RIT2: variants seen among roughly 807,000 people sequenced by gnomAD.
RIT2 encodes the protein Ras like without CAAX 2.
Under a neutral mutation model 23.7 loss-of-function variants are expected in RIT2, and 24 were observed. The ratio of observed to expected loss-of-function variants is 1.01; its 90% CI spans 0.73 to 1.43. The LOEUF is 1.43. Ranked by LOEUF, RIT2 falls within the 40% of genes most tolerant of loss-of-function variation. The pLI, the probability that RIT2 is intolerant of heterozygous loss-of-function variation, is 0.00. For missense variants in RIT2, 236 were observed against 266.9 expected (o/e 0.88, Z 0.81); for synonymous variants, 107 against 91.1 (o/e 1.17, Z -0.99).
chr18:43,103,942 T>A (rs1913748439), intron 1 of RIT2, among the ~76,000 whole-genome samples: 1 of 152,068 alleles, frequency 6.6e-6, no homozygotes, highest in South Asian at 2.1e-4. Flanking sequence ...GGTATTTATC[T>A]AAAGAAAAAG....
intron 3 of RIT2, among the ~76,000 whole-genome samples, chr18:42,959,093 C>G (rs1023142911): frequency 2.0e-5 from 3 of 152,158 alleles, no homozygotes; most frequent in Admixed American, 6.6e-5. Context: ...GTCTTTTGCA[C>G]TAGACCACAC....
intron 2 of RIT2, among the ~76,000 whole-genome samples, chr18:42,999,277 T>C (rs1355610928): frequency 1.3e-5 from 2 of 152,018 alleles, no homozygotes; most frequent in Non-Finnish European, 2.9e-5. Flanking sequence ...CTCGGATCAG[T>C]TTATTAATCT....
chr18:43,039,674 A>G (rs1056297080), intron 1 of RIT2, among the ~76,000 whole-genome samples: 1 of 152,088 alleles, frequency 6.6e-6, no homozygotes, highest in South Asian at 2.1e-4. Context: ...ACTTAGAGGT[A>G]ATTTGACATT....
At chr18:43,086,023 A>G (rs890618285) in intron 1 of RIT2, among the ~76,000 whole-genome samples, 2 of 152,152 alleles carry the variant, frequency 1.3e-5, no homozygotes, top group Non-Finnish European at 2.9e-5. Context: ...TCCTTTATAA[A>G]TTACCCAGTA....
At chr18:42,962,735 C>A (rs1311942268) in intron 3 of RIT2, among the ~76,000 whole-genome samples, 2 of 152,140 alleles carry the variant, frequency 1.3e-5, no homozygotes, top group African/African-American at 4.8e-5. Flanking sequence ...AACCGTCATT[C>A]TAAAATAGAC....
At chr18:42,943,318 A>G (rs1157231743) in intron 3 of RIT2, among the ~76,000 whole-genome samples, 1 of 152,124 alleles carries the variant, frequency 6.6e-6, no homozygotes, top group Non-Finnish European at 1.5e-5. Flanking sequence ...TCCTCTTGCT[A>G]GCTATGGAGC....
intron 2 of RIT2, among the ~76,000 whole-genome samples, chr18:43,029,023 G>A (rs1911795191): frequency 6.6e-6 from 1 of 152,052 alleles, no homozygotes; most frequent in Admixed American, 6.6e-5. Flanking sequence ...CATTGAGCAC[G>A]AGGCTATCTG....
Position 42,984,433 on chromosome 18 carries a change from C to T in RIT2, c.161-10286G>A, listed in dbSNP as rs149265070. On this transcript the variant is annotated intron_variant, in intron 2 of 4. Coordinates refer to ENST00000326695, the MANE Select transcript of RIT2 (RefSeq NM_002930.4). ...GAGAGCAAAATATGGCTTCATAAGGCAACATAAGGGATCCTTGTGGTCAGG... is the reference window on the plus strand; with the variant it reads ...GAGAGCAAAATATGGCTTCATAAGGTAACATAAGGGATCCTTGTGGTCAGG... Among the ~76,000 whole-genome samples the T allele has an allele frequency of 1.4e-3, 212 of 152,104 alleles. 2 individuals are homozygous for T. The highest frequency in any genetic ancestry group is 4.9e-3 in the African/African-American group (205 of 41,530).
chr18:42,883,634 G>A (rs1234874408), intron 4 of RIT2, among the ~76,000 whole-genome samples: 1 of 152,090 alleles, frequency 6.6e-6, no homozygotes, highest in Non-Finnish European at 1.5e-5. Context: ...ATGAATTTGT[G>A]ATTATGTAAA....
intron 4 of RIT2, among the ~76,000 whole-genome samples, chr18:42,797,632 A>T (rs1905406812): frequency 6.6e-6 from 1 of 152,164 alleles, no homozygotes; most frequent in Non-Finnish European, 1.5e-5. Context: ...AAGATCTAGG[A>T]CCATTTCCTG....
intron 4 of RIT2, among the ~76,000 whole-genome samples, chr18:42,761,523 C>T (rs485404): frequency 0.65 from 98,059 of 151,502 alleles, 35,653 homozygotes; most frequent in Middle Eastern, 0.83. Flanking sequence ...AAACCTGACC[C>T]CTATTTCCAA....
At chr18:43,096,950 A>C (rs1913568630) in intron 1 of RIT2, among the ~76,000 whole-genome samples, 1 of 151,934 alleles carries the variant, frequency 6.6e-6, no homozygotes, top group African/African-American at 2.4e-5. Flanking sequence ...GAAGGGATAA[A>C]GAGCTTCATT....
At chr18:43,108,135 A>T (rs1437389651) in intron 1 of RIT2, among the ~76,000 whole-genome samples, 1 of 151,500 alleles carries the variant, frequency 6.6e-6, no homozygotes, top group Non-Finnish European at 1.5e-5. Context: ...AGATTGCACC[A>T]GTGCACTCCA....
intron 4 of RIT2, among the ~76,000 whole-genome samples, chr18:42,909,609 G>A (rs1203026523): frequency 1.3e-5 from 2 of 151,602 alleles, no homozygotes; most frequent in South Asian, 2.1e-4. Context: ...AGAAATCACC[G>A]CTAAAGAACA....
At chr18:42,996,797 T>C (rs569248645) in intron 2 of RIT2, among the ~76,000 whole-genome samples, 46 of 152,166 alleles carry the variant, frequency 3.0e-4, no homozygotes, top group Non-Finnish European at 4.8e-4. Context: ...TCTCTTCACA[T>C]GGATGCGCAT....
intron 3 of RIT2, among the ~76,000 whole-genome samples, chr18:42,959,107 A>T: frequency 6.6e-6 from 1 of 152,174 alleles, no homozygotes; most frequent in East Asian, 1.9e-4. Context: ...ACCACACTTC[A>T]TGAAGGGACT....
chr18:43,084,619 A>G (rs1409895340), intron 1 of RIT2, among the ~76,000 whole-genome samples: 2 of 152,172 alleles, frequency 1.3e-5, no homozygotes, highest in Non-Finnish European at 2.9e-5. Flanking sequence ...ATTCTCAGCA[A>G]ACTAACACAG....
At chr18:42,825,773 T>A (rs1466869276) in intron 4 of RIT2, among the ~76,000 whole-genome samples, 1 of 151,872 alleles carries the variant, frequency 6.6e-6, no homozygotes, top group African/African-American at 2.4e-5. Flanking sequence ...ATCAAAAAAA[T>A]ATATTAGGTC....
intron 4 of RIT2, among the ~76,000 whole-genome samples, chr18:42,893,509 G>A (rs1908239060): frequency 6.6e-6 from 1 of 152,054 alleles, no homozygotes; most frequent in African/African-American, 2.4e-5. Flanking sequence ...AGAGAGCCTT[G>A]ATGACTTACT....
Sources: allele counts gnomAD v4.1 joint callset (sites outside exome capture counted in the v4.1 genomes callset), GRCh38; gene constraint gnomAD v4.1.1; transcripts MANE v1.5; gene names NCBI Gene and HGNC (gene_info 2026-07-23, HGNC 2026-07-21).